The following NRG3 variants were observed in gnomAD, a reference collection of about 807,000 sequenced individuals.
The protein encoded by NRG3 is neuregulin 3, also known as pro-neuregulin-3, membrane-bound isoform.
NRG3 carries 31 observed loss-of-function variants against 66.9 expected under a neutral mutation model. That is an observed-to-expected ratio of 0.46 (90% confidence interval 0.35 to 0.63). The LOEUF is 0.63. NRG3 is among the 20% of genes least tolerant of loss of function. The probability of loss-of-function intolerance (pLI) is 0.00; values close to 1 mark genes in which losing one functional copy is unlikely to be tolerated. For missense variants in NRG3, 910 were observed against 878.9 expected (o/e 1.04, Z -0.45); for synonymous variants, 393 against 359.4 (o/e 1.09, Z -1.06).
chr10:82,005,246 C>T (rs1023507825), intron 1 of NRG3, among the ~76,000 whole-genome samples: 3 of 152,288 alleles, frequency 2.0e-5, no homozygotes, highest in Admixed American at 1.3e-4. Flanking sequence ...CTATGCTGGT[C>T]CATTAATTAG....
In NRG3 at chr10:82,756,726, C is replaced by T. The variant is rs1430041997; in HGVS notation, c.1027+18076C>T. On this transcript the variant is annotated intron_variant, in intron 3 of 8. Coordinates refer to ENST00000372141, the MANE Select transcript of NRG3 (RefSeq NM_001010848.4). ...TCCAGAATGCAATAATGATATGTAA[C>T]AGTGAAACAAACTGGACCTTGTTGG... Among the ~76,000 whole-genome samples the T allele has an allele frequency of 2.6e-5, 4 of 151,664 alleles. No homozygotes were observed. In the East Asian group the frequency reaches 7.8e-4, roughly 29 times the overall value.
chr10:82,587,548 G>T (rs1452173875), intron 2 of NRG3, among the ~76,000 whole-genome samples: 1 of 152,290 alleles, frequency 6.6e-6, no homozygotes, highest in East Asian at 1.9e-4. Flanking sequence ...TTGGGCAAGT[G>T]GTTTAATGGA....
intron 1 of NRG3, among the ~76,000 whole-genome samples, chr10:81,895,337 T>C (rs1843417397): frequency 6.6e-6 from 1 of 152,174 alleles, no homozygotes; most frequent in Admixed American, 6.5e-5. Context: ...ATATCATAGA[T>C]AGATACATTC....
chr10:82,410,118 A>C (rs1440076879), intron 2 of NRG3, among the ~76,000 whole-genome samples: 1 of 151,944 alleles, frequency 6.6e-6, no homozygotes, highest in Non-Finnish European at 1.5e-5. Flanking sequence ...ATAGAGTCCA[A>C]CTCCTTGTAA....
Position 82,973,768 on chromosome 10 carries a change from G to A in NRG3, c.1285-20G>A. ...ATAATGTATCCTTCGTCTCAACTCT[G>A]TACGTGTGATTTCCCACAGTATTCA... On this transcript the variant is annotated intron_variant, in intron 6 of 8. Coordinates refer to ENST00000372141, the MANE Select transcript of NRG3 (RefSeq NM_001010848.4). 6.2e-7 allele frequency: 1 copy of A among 1,613,730 alleles called. No individual in the cohort carries two copies. Among genetic ancestry groups the A allele is most frequent in the South Asian group, 1.1e-5 (1 of 91,076 alleles).
chr10:82,349,783 G>A lies in NRG3; in HGVS notation c.824-8956G>A, dbSNP rs538747957. Among the ~76,000 whole-genome samples the A allele has an allele frequency of 5.3e-5, 8 of 152,340 alleles. No homozygotes were observed. The South Asian group carries it at 1.7e-3, about 32-fold the overall frequency. ...AATCTCTTGGTGTGCCGTTTTTTAA[G>A]CCAGTCGGAAAAGCGCAGTATTCGG... On this transcript the variant is annotated intron_variant, in intron 1 of 8. Transcript: ENST00000372141.
rs192502757 is a variant in NRG3 at position 81,963,486 on chromosome 10, C to A, written c.823+87323C>A. On this transcript the variant is annotated intron_variant, in intron 1 of 8. Transcript: ENST00000372141. ...TGTTGTTCTTTGTATGCAGCTGTTA[C>A]CAAAAATGCTTAAAATAGATTGAAT... Among the ~76,000 whole-genome samples the A allele has an allele frequency of 3.9e-5, 6 of 152,180 alleles. No individual in the cohort carries two copies. The East Asian group carries it at 1.2e-3, about 29-fold the overall frequency.
intron 1 of NRG3, among the ~76,000 whole-genome samples, chr10:82,138,511 G>A (rs1025186448): frequency 1.3e-5 from 2 of 152,084 alleles, no homozygotes; most frequent in African/African-American, 4.8e-5. Context: ...CATATGAAGT[G>A]TATTAGTCAG....
At chr10:82,771,486 T>C (rs1369018934) in intron 3 of NRG3, among the ~76,000 whole-genome samples, 2 of 152,162 alleles carry the variant, frequency 1.3e-5, no homozygotes, top group South Asian at 2.1e-4. Context: ...GCTCATTTAC[T>C]GTGGACTCGT....
intron 5 of NRG3, among the ~76,000 whole-genome samples, chr10:82,958,517 A>C (rs1850295939): frequency 6.6e-6 from 1 of 152,218 alleles, no homozygotes; most frequent in Non-Finnish European, 1.5e-5. Context: ...CAAGTTGTGC[A>C]ATTAAGCTAA....
intron 2 of NRG3, among the ~76,000 whole-genome samples, chr10:82,374,978 A>G (rs560676688): frequency 5.9e-5 from 9 of 152,334 alleles, no homozygotes; most frequent in African/African-American, 2.2e-4. Context: ...TCCCATGCCC[A>G]TCTCATCCAC....
rs117478589 is a variant in NRG3, at chr10:82,631,848, T to C, written c.954-106729T>C. Among the ~76,000 whole-genome samples, 24 of 152,258 alleles carry C rather than the reference T, an allele frequency of 1.6e-4. No individual in the cohort carries two copies. In the East Asian group the frequency reaches 4.6e-3, roughly 29 times the overall value. On this transcript the variant is annotated intron_variant, in intron 2 of 8. Transcript: ENST00000372141. ...CAGGTGTGGTGGCTCACACCTGTCA[T>C]CCCAGCACTTTAAGAGGCCGAGGCA...
chr10:82,329,494 G>A (rs1232271463), intron 1 of NRG3, among the ~76,000 whole-genome samples: 13 of 150,256 alleles, frequency 8.7e-5, no homozygotes, highest in Admixed American at 8.6e-4. Flanking sequence ...ACATTTCAGG[G>A]GCACATGCCT....
intron 2 of NRG3, among the ~76,000 whole-genome samples, chr10:82,697,177 C>A (rs894735510): frequency 1.3e-5 from 2 of 152,178 alleles, no homozygotes; most frequent in African/African-American, 4.8e-5. Context: ...AACATACTTA[C>A]ACCACTTTTT....
chr10:82,894,740 T>C (rs1484421182), intron 4 of NRG3, among the ~76,000 whole-genome samples: 1 of 152,180 alleles, frequency 6.6e-6, no homozygotes, highest in Non-Finnish European at 1.5e-5. Flanking sequence ...CAATAATTTT[T>C]TTTTTAACTT....
chr10:82,940,126 AG>A (rs1324831024), intron 4 of NRG3, among the ~76,000 whole-genome samples: 2 of 152,184 alleles, frequency 1.3e-5, no homozygotes, highest in East Asian at 3.9e-4. Context: ...GGAATGCAGA[AG>A]GGAAGCTTGG....
chr10:82,310,353 G>T (rs1417992453), intron 1 of NRG3, among the ~76,000 whole-genome samples: 1 of 152,036 alleles, frequency 6.6e-6, no homozygotes, highest in Admixed American at 6.6e-5. Flanking sequence ...TTCATTTCTG[G>T]GTTTGTGTCT....
intron 1 of NRG3, among the ~76,000 whole-genome samples, chr10:81,879,087 A>G (rs1240292069): frequency 6.6e-6 from 1 of 152,204 alleles, no homozygotes; most frequent in Non-Finnish European, 1.5e-5. Context: ...AGGGTTTGCA[A>G]GTTGATTCTT....
At chr10:82,699,857 CTGTGTGTG>C (rs59381778) in intron 2 of NRG3, among the ~76,000 whole-genome samples, 9 of 149,606 alleles carry the variant, frequency 6.0e-5, no homozygotes, top group East Asian at 2.0e-4. Context: ...TATGGATGAT[CTGTGTGTG>C]TGTGTGTGTG....
Sources: allele counts gnomAD v4.1 joint callset (sites outside exome capture counted in the v4.1 genomes callset), GRCh38; gene constraint gnomAD v4.1.1; transcripts MANE v1.5; gene names NCBI Gene and HGNC (gene_info 2026-07-23, HGNC 2026-07-21).